Variants in CRACR2A observed in about 807,000 individuals in gnomAD.
The protein encoded by CRACR2A is calcium release activated channel regulator 2A, also known as EF-hand calcium-binding domain-containing protein 4B.
Under a neutral mutation model 90.5 loss-of-function variants are expected in CRACR2A, and 79 were observed. The observed-to-expected ratio is 0.87, with a 90% CI of 0.73 to 1.05. CRACR2A has a LOEUF of 1.05. CRACR2A is among the 50% of genes least tolerant of loss of function. The pLI, the probability that CRACR2A is intolerant of heterozygous loss-of-function variation, is 0.00. For synonymous variants in CRACR2A, 338 were observed against 356.7 expected (o/e 0.95, Z 0.59); for missense variants, 823 against 897.2 (o/e 0.92, Z 1.06).
intron 13 of CRACR2A, chr12:3,640,393 TTAAG>T (rs1447735647): frequency 1.4e-6 from 1 of 691,982 alleles, no homozygotes; most frequent in African/African-American, 1.9e-5. Flanking sequence ...TAAATATTTA[TTAAG>T]TGAGCATTTA....
chr12:3,713,383 T>C, intron 2 of CRACR2A, 66 bp from the exon 3 acceptor site: 1 of 891,228 alleles, frequency 1.1e-6, no homozygotes, highest in Non-Finnish European at 1.3e-6. Flanking sequence ...GAAGTGGCTT[T>C]ATAGCAATTT....
chr12:3,701,437 T>A (rs1337742666), intron 3 of CRACR2A, among the ~76,000 whole-genome samples: 1 of 152,046 alleles, frequency 6.6e-6, no homozygotes, highest in Non-Finnish European at 1.5e-5. Flanking sequence ...TTGAGAAGAT[T>A]AATAAAGAGA....
chr12:3,681,060 C>A (rs549486059), intron 4 of CRACR2A, among the ~76,000 whole-genome samples: 1 of 151,124 alleles, frequency 6.6e-6, no homozygotes, highest in Non-Finnish European at 1.5e-5. Context: ...GATGCGGGTG[C>A]GGGTCACTTA....
intron 9 of CRACR2A, 128 bp downstream of exon 9, chr12:3,656,183 G>T: frequency 1.2e-6 from 1 of 806,812 alleles, no homozygotes; most frequent in Non-Finnish European, 2.0e-6. Context: ...TCTTTTGCGC[G>T]ACTAAATAGT....
At chr12:3,722,503 C>G (rs1399466743) in intron 2 of CRACR2A, among the ~76,000 whole-genome samples, 1 of 152,172 alleles carries the variant, frequency 6.6e-6, no homozygotes, top group Non-Finnish European at 1.5e-5. Flanking sequence ...TGGAATGGCA[C>G]AGCCACTCGA....
At chr12:3,735,918 C>CTGTA (rs1472048190) in intron 1 of CRACR2A, among the ~76,000 whole-genome samples, 2 of 152,098 alleles carry the variant, frequency 1.3e-5, no homozygotes, top group Non-Finnish European at 2.9e-5. Context: ...CACTATAAGC[C>CTGTA]TGTACTGAGA....
chr12:3,679,171 C>A, intron 5 of CRACR2A, 73 bp from the exon 6 acceptor site: 1 of 1,392,788 alleles, frequency 7.2e-7, no homozygotes, highest in Non-Finnish European at 9.6e-7. Context: ...TCTCACCTGC[C>A]AGGAATCATT....
At chr12:3,648,406 G>A in intron 11 of CRACR2A, 136 bp downstream of exon 11, 1 of 1,571,718 alleles carries the variant, frequency 6.4e-7, no homozygotes, top group Non-Finnish European at 8.6e-7. Context: ...CTGCACTGGG[G>A]ACCAAGGGAA....
chr12:3,654,798 A>C (rs1233954540), intron 9 of CRACR2A, among the ~76,000 whole-genome samples: 1 of 152,214 alleles, frequency 6.6e-6, no homozygotes, highest in Non-Finnish European at 1.5e-5. Flanking sequence ...GAACAGCTAA[A>C]TGGCCTGCTT....
intron 11 of CRACR2A, chr12:3,647,938 T>C: frequency 1.0e-6 from 1 of 985,550 alleles, no homozygotes. Flanking sequence ...TGGTGCACAT[T>C]CCAGACCAGT....
intron 13 of CRACR2A, chr12:3,640,655 A>C: frequency 7.7e-7 from 1 of 1,305,434 alleles, no homozygotes; most frequent in South Asian, 1.2e-5. Context: ...TTTACTGATG[A>C]GCTGATTTAC....
intron 8 of CRACR2A, among the ~76,000 whole-genome samples, chr12:3,657,438 C>T (rs1012936788): frequency 2.6e-5 from 4 of 152,216 alleles, no homozygotes; most frequent in East Asian, 1.9e-4. Context: ...AGCAGCAGCG[C>T]GGTGGGGGAA....
chr12:3,704,412 TG>T (rs1198308860), intron 3 of CRACR2A, among the ~76,000 whole-genome samples: 2 of 152,250 alleles, frequency 1.3e-5, no homozygotes, highest in East Asian at 3.9e-4. Context: ...CAGGAAATTT[TG>T]GGGGGTGTGG....
intron 2 of CRACR2A, among the ~76,000 whole-genome samples, chr12:3,716,288 G>T (rs12372705): frequency 6.6e-6 from 1 of 152,090 alleles, no homozygotes; most frequent in African/African-American, 2.4e-5. Flanking sequence ...TTTGTTTTCA[G>T]GATCATACTG....
At chr12:3,693,303 AC>A (rs1945681114) in intron 4 of CRACR2A, among the ~76,000 whole-genome samples, 2 of 152,162 alleles carry the variant, frequency 1.3e-5, no homozygotes, top group African/African-American at 4.8e-5. Context: ...CCCCCAGGAC[AC>A]CTGCGGCTGC....
intron 18 of CRACR2A, 149 bp from the exon 19 acceptor site, chr12:3,617,179 A>G (rs928739445): frequency 6.3e-6 from 4 of 635,766 alleles, no homozygotes; most frequent in African/African-American, 3.6e-5. Flanking sequence ...CCCACTCTGT[A>G]CATGGCTGAT....
chr12:3,706,217 G>A (rs1441832556), intron 3 of CRACR2A, among the ~76,000 whole-genome samples: 25 of 152,202 alleles, frequency 1.6e-4, no homozygotes, highest in Non-Finnish European at 2.9e-5. Context: ...GCAGGCCCTT[G>A]AGTGGGGGCA....
intron 7 of CRACR2A, among the ~76,000 whole-genome samples, chr12:3,671,666 G>T (rs1945245154): frequency 6.6e-6 from 1 of 152,054 alleles, no homozygotes; most frequent in Admixed American, 6.6e-5. Flanking sequence ...AAGGATACAG[G>T]GATCCTTAAA....
intron 1 of CRACR2A, among the ~76,000 whole-genome samples, chr12:3,752,141 T>C (rs10848923): frequency 0.17 from 25,676 of 152,158 alleles, 2,250 homozygotes; most frequent in African/African-American, 0.21. Flanking sequence ...ACGGATTGGC[T>C]CTTTCTGTCC....
Sources: gnomAD v4.1 joint callset for allele counts (sites outside exome capture counted in the v4.1 genomes callset) on GRCh38, gnomAD v4.1.1 for gene constraint, MANE v1.5 for transcripts, NCBI Gene and HGNC (gene_info 2026-07-23, HGNC 2026-07-21) for gene names.